MYO1H: variants seen among roughly 807,000 people sequenced by gnomAD.
MYO1H encodes myosin IH.
In MYO1H, 118 loss-of-function variants were observed where a neutral mutation model predicts 149.3. The ratio of observed to expected loss-of-function variants is 0.79; its 90% confidence interval spans 0.68 to 0.92. The LOEUF (loss-of-function observed/expected upper bound fraction) is 0.92. Ranked by LOEUF, MYO1H falls within the 40% of genes least tolerant of loss-of-function variation. The probability of loss-of-function intolerance (pLI) is 0.00; values close to 1 mark genes in which losing one functional copy is unlikely to be tolerated. For synonymous variants in MYO1H, 447 were observed against 465.2 expected (o/e 0.96, Z 0.50); for missense variants, 1,212 against 1,280.7 (o/e 0.95, Z 0.82).
At position 109,431,264 on chromosome 12, in the gene MYO1H, C is replaced by T. The variant is rs558544859; in HGVS notation, c.1950-1633C>T. ...GTGTGGTGGCGGGCACCTGTAGTCC[C>T]AGCTACTCGGGAGGCTGAGGCAGGA... On this transcript the variant is annotated intron_variant, in intron 19 of 31. Coordinates refer to ENST00000310903, the Ensembl canonical transcript of MYO1H. Among the ~76,000 whole-genome samples the T allele has an allele frequency of 5.3e-5, 8 of 149,758 alleles. No homozygotes were observed. The East Asian group carries it at 1.2e-3, about 23-fold the overall frequency.
chr12:109,420,314 T>C lies in MYO1H; in HGVS notation c.1598-667T>C, dbSNP rs373008404. 2.5e-3 allele frequency among the ~76,000 whole-genome samples: 383 copies of C among 152,254 alleles called. 23 individuals carry two copies. The South Asian group carries it at 0.074, about 29-fold the overall frequency. On this transcript the variant is annotated intron_variant, in intron 15 of 31. Transcript: ENST00000310903. ...ATGTTACCCGCCCCCCGGAGGGATA[T>C]GTGGCAATGTCTAGCATATTAGTCC...
rs543165471 is a variant in MYO1H, at chr12:109,379,819, G to A, written c.13-8864G>A. Among the ~76,000 whole-genome samples the A allele has an allele frequency of 1.6e-3, 217 of 132,082 alleles. 1 individual carries two copies. Among genetic ancestry groups the A allele is most frequent in the African/African-American group, 5.9e-3 (205 of 34,544 alleles). The allele number at this position is 132,082 out of a possible 152,430, so 86.7% of individuals were successfully genotyped here. ...GCAATCTCAGCTCACTGCAACCTCC[G>A]CTTCCCAGGTTCAAGCCATTCTTTT... On this transcript the variant is annotated intron_variant, in intron 1 of 31. Coordinates refer to ENST00000310903, the Ensembl canonical transcript of MYO1H.
At chr12:109,426,773 A>G (rs1871366314) in intron 18 of MYO1H, among the ~76,000 whole-genome samples, 1 of 152,194 alleles carries the variant, frequency 6.6e-6, no homozygotes, top group South Asian at 2.1e-4. Context: ...ACTATAATGG[A>G]CCATCAGAGG....
chr12:109,369,460 G>C (rs1868936809), intron 1 of MYO1H, among the ~76,000 whole-genome samples: 1 of 152,216 alleles, frequency 6.6e-6, no homozygotes, highest in African/African-American at 2.4e-5. Flanking sequence ...CCTCTGGGGA[G>C]AGACTGAGGT....
upstream of MYO1H, chr12:109,347,801 C>G (rs1176596236): frequency 2.5e-6 from 1 of 394,930 alleles, no homozygotes; most frequent in East Asian, 3.6e-5. Flanking sequence ...GTTTCTGCCT[C>G]CCACCGTAAA....
intron 31 of MYO1H, 49 bp from the exon 32 acceptor site, chr12:109,447,110 G>T: frequency 6.4e-7 from 1 of 1,564,964 alleles, no homozygotes; most frequent in Admixed American, 1.9e-5. Context: ...TTCCTTTTGC[G>T]CAAAGGGAGC....
rs73194209 is a variant in MYO1H at position 109,406,704 on chromosome 12, G to C, written c.964-85G>C. 1.1e-5 allele frequency: 15 copies of C among 1,306,736 alleles called. No individual in the cohort carries two copies. In the East Asian group the frequency reaches 3.2e-4, roughly 28 times the overall value. 80.9% of individuals were successfully genotyped at this position (1,306,736 alleles called of 1,614,324 possible). On this transcript the variant is annotated intron_variant, in intron 8 of 31. Transcript: ENST00000310903. ...CCACCACATTCCCACCTGGGTAACA[G>C]AGCCATACCTTGTCTCTAAAAAAAT...
intron 28 of MYO1H, 38 bp from the exon 29 acceptor site, chr12:109,444,175 C>G (rs375331924): frequency 6.6e-7 from 1 of 1,510,888 alleles, no homozygotes. Context: ...ATGTCAAGCT[C>G]TCTAGTTCTT....
chr12:109,312,379 ATTTTT>A, the MYO1H span, among the ~76,000 whole-genome samples: 1 of 139,062 alleles, frequency 7.2e-6, no homozygotes, highest in African/African-American at 2.9e-5. Context: ...CGCCCAGCTA[ATTTTT>A]TGTTTTGTTT....
At chr12:109,401,336 G>A (rs1870151196) in intron 6 of MYO1H, 64 bp downstream of exon 6, 31 of 1,495,008 alleles carry the variant, frequency 2.1e-5, no homozygotes, top group Middle Eastern at 2.2e-4. Context: ...ATGTTTCTAC[G>A]TGCTGCTGTA....
chr12:109,353,651 A>G (rs1293805040), intron 1 of MYO1H, among the ~76,000 whole-genome samples: 1 of 152,034 alleles, frequency 6.6e-6, no homozygotes, highest in African/African-American at 2.4e-5. Flanking sequence ...GGTGGGGAGA[A>G]CTAGAAGGAA....
At chr12:109,411,103 C>T (rs907412302) in intron 13 of MYO1H, among the ~76,000 whole-genome samples, 2 of 152,072 alleles carry the variant, frequency 1.3e-5, no homozygotes, top group African/African-American at 4.8e-5. Flanking sequence ...GATCATACCA[C>T]TGCGCTCCAG....
At chr12:109,384,848 A>G (rs74915954) in intron 1 of MYO1H, among the ~76,000 whole-genome samples, 2 of 152,294 alleles carry the variant, frequency 1.3e-5, no homozygotes, top group Non-Finnish European at 2.9e-5. Flanking sequence ...ACCTGCAGCA[A>G]CCTGACTGCA....
chr12:109,371,648 G>C (rs1463410659), intron 1 of MYO1H, among the ~76,000 whole-genome samples: 2 of 152,058 alleles, frequency 1.3e-5, no homozygotes, highest in Non-Finnish European at 2.9e-5. Flanking sequence ...TTATTATTTT[G>C]TTCACATGAG....
At chr12:109,440,480 A>T in intron 24 of MYO1H, 1 of 417,866 alleles carries the variant, frequency 2.4e-6, no homozygotes, top group South Asian at 2.6e-5. Flanking sequence ...GGACCCACTG[A>T]GTCAGAATCT....
At chr12:109,431,377 CT>C (rs1416553323) in intron 19 of MYO1H, among the ~76,000 whole-genome samples, 2 of 152,032 alleles carry the variant, frequency 1.3e-5, no homozygotes, top group African/African-American at 4.8e-5. Flanking sequence ...AAGACTCCGT[CT>C]CAAAAATAAA....
intron 3 of MYO1H, among the ~76,000 whole-genome samples, chr12:109,394,948 G>A (rs1869825735): frequency 6.6e-6 from 1 of 152,088 alleles, no homozygotes; most frequent in African/African-American, 2.4e-5. Context: ...TTTTTATAGA[G>A]ACAGGGTCTC....
intron 1 of MYO1H, among the ~76,000 whole-genome samples, chr12:109,349,961 G>GAA (rs10633763): frequency 0.53 from 69,121 of 131,312 alleles, 18,290 homozygotes; most frequent in African/African-American, 0.64. Flanking sequence ...ACTCTGTCTT[G>GAA]AAAAAAAAAA....
Position 109,376,850 on chromosome 12 carries a change from G to C in MYO1H, c.13-11833G>C, listed in dbSNP as rs1164558158. On this transcript the variant is annotated intron_variant, in intron 1 of 31. Transcript: ENST00000310903. ...TTTTACTTAAACTTCTTGGGATTTT[G>C]ATTGTGATAGTATTGAATCTAAGGA... 2.0e-5 allele frequency among the ~76,000 whole-genome samples: 3 copies of C among 152,210 alleles called. No homozygotes were observed. The East Asian group carries it at 5.8e-4, about 29-fold the overall frequency.
Sources: gnomAD v4.1 joint callset for allele counts (sites outside exome capture counted in the v4.1 genomes callset) on GRCh38, gnomAD v4.1.1 for gene constraint, MANE v1.5 for transcripts, NCBI Gene and HGNC (gene_info 2026-07-23, HGNC 2026-07-21) for gene names.